Variants in INPP4B observed in about 807,000 individuals in gnomAD.
INPP4B encodes the protein inositol polyphosphate 4-phosphatase type II.
A neutral mutation model predicts 122.5 loss-of-function variants in INPP4B; 55 were observed. The observed-to-expected ratio is 0.45, with a 90% CI of 0.36 to 0.56. The LOEUF is 0.56. INPP4B is among the 20% of genes least tolerant of loss of function. The pLI is 0.00. For synonymous variants in INPP4B, 403 were observed against 388.7 expected (o/e 1.04, Z -0.43); for missense variants, 1,000 against 1,097.7 (o/e 0.91, Z 1.26).
chr4:142,077,046 C>T (rs1211621261), intron 25 of INPP4B, among the ~76,000 whole-genome samples: 1 of 151,932 alleles, frequency 6.6e-6, no homozygotes, highest in Non-Finnish European at 1.5e-5. Context: ...ACTTATAAAG[C>T]AGAATACTTC....
chr4:142,546,286 C>G (rs961069978), intron 2 of INPP4B, among the ~76,000 whole-genome samples: 2 of 152,128 alleles, frequency 1.3e-5, no homozygotes, highest in African/African-American at 4.8e-5. Context: ...TTTATGGCTG[C>G]ATAGTATTCC....
intron 1 of INPP4B, among the ~76,000 whole-genome samples, chr4:142,830,662 G>C (rs1782005395): frequency 6.6e-6 from 1 of 152,002 alleles, no homozygotes; most frequent in African/African-American, 2.4e-5. Flanking sequence ...GAGGAAACAG[G>C]ATTGAATGCA....
intron 25 of INPP4B, chr4:142,030,043 A>C: frequency 4.3e-6 from 6 of 1,384,886 alleles, no homozygotes; most frequent in Non-Finnish European, 5.6e-6. Context: ...TGTGAATTTG[A>C]AAATGTAAAA....
intron 2 of INPP4B, among the ~76,000 whole-genome samples, chr4:142,546,132 A>G (rs966419801): frequency 2.6e-5 from 4 of 151,614 alleles, no homozygotes; most frequent in Non-Finnish European, 4.4e-5. Context: ...GTTCCTCTCT[A>G]TGTGTCTGTG....
chr4:142,783,544 T>C (rs1436957350), intron 1 of INPP4B, among the ~76,000 whole-genome samples: 7 of 152,164 alleles, frequency 4.6e-5, no homozygotes, highest in African/African-American at 1.7e-4. Context: ...CCTGGCTTCC[T>C]TTCCCCTCTT....
chr4:142,068,859 T>G (rs2152471389), intron 25 of INPP4B, among the ~76,000 whole-genome samples: 1 of 152,312 alleles, frequency 6.6e-6, no homozygotes. Context: ...ACAAAGAGAC[T>G]TAGACTCTCA....
chr4:142,356,175 A>C (rs1166523348), intron 7 of INPP4B, among the ~76,000 whole-genome samples: 1 of 150,710 alleles, frequency 6.6e-6, no homozygotes, highest in Middle Eastern at 3.4e-3. Flanking sequence ...TTAATCTAGA[A>C]AATGTACAAA....
chr4:142,751,523 G>T (rs1769715741), intron 1 of INPP4B, among the ~76,000 whole-genome samples: 1 of 151,966 alleles, frequency 6.6e-6, no homozygotes, highest in South Asian at 2.1e-4. Flanking sequence ...TATGTAATAT[G>T]CATCCCTGAA....
chr4:142,688,250 A>G (rs767088561), intron 2 of INPP4B, among the ~76,000 whole-genome samples: 1 of 152,122 alleles, frequency 6.6e-6, no homozygotes, highest in Non-Finnish European at 1.5e-5. Flanking sequence ...TTGTCTTTCT[A>G]TTTTCACACA....
At chr4:142,385,972 A>G (rs1795839441) in intron 7 of INPP4B, among the ~76,000 whole-genome samples, 1 of 152,122 alleles carries the variant, frequency 6.6e-6, no homozygotes, top group African/African-American at 2.4e-5. Flanking sequence ...ATTACTAATT[A>G]TAGTCACCAT....
chr4:142,509,582 A>G (rs1824456925), intron 2 of INPP4B, among the ~76,000 whole-genome samples: 1 of 152,092 alleles, frequency 6.6e-6, no homozygotes, highest in African/African-American at 2.4e-5. Context: ...GCTGCATAGT[A>G]CTCCATGGTG....
chr4:142,330,930 GAAGC>G (rs1381773053), intron 7 of INPP4B, among the ~76,000 whole-genome samples: 1 of 152,182 alleles, frequency 6.6e-6, no homozygotes, highest in Non-Finnish European at 1.5e-5. Flanking sequence ...AGGAACAAGA[GAAGC>G]AAGCAGTATT....
intron 2 of INPP4B, among the ~76,000 whole-genome samples, chr4:142,557,921 G>A (rs73850508): frequency 3.4e-4 from 51 of 152,232 alleles, no homozygotes; most frequent in African/African-American, 1.2e-3. Context: ...AGGGCCATAA[G>A]GCTGCCACAA....
intron 7 of INPP4B, among the ~76,000 whole-genome samples, 176 bp from the exon 8 acceptor site, chr4:142,314,938 A>G (rs1350983011): frequency 6.6e-6 from 1 of 152,198 alleles, no homozygotes; most frequent in Admixed American, 6.5e-5. Flanking sequence ...GTGCTGTTAC[A>G]GTTCCTGAAC....
chr4:142,249,241 G>T (rs1254047834), intron 11 of INPP4B, among the ~76,000 whole-genome samples: 1 of 151,918 alleles, frequency 6.6e-6, no homozygotes, highest in Non-Finnish European at 1.5e-5. Flanking sequence ...TGCTGAGTGG[G>T]GGAAACTCAC....
At chr4:142,557,156 T>C (rs1239536774) in intron 2 of INPP4B, among the ~76,000 whole-genome samples, 1 of 152,068 alleles carries the variant, frequency 6.6e-6, no homozygotes, top group Non-Finnish European at 1.5e-5. Flanking sequence ...CTGATGACAA[T>C]GCTGGAGAAG....
At chr4:142,659,734 C>T (rs1223751581) in intron 2 of INPP4B, among the ~76,000 whole-genome samples, 9 of 152,084 alleles carry the variant, frequency 5.9e-5, no homozygotes, top group African/African-American at 1.7e-4. Context: ...AGCCAAGCAC[C>T]ATGCACCCAA....
chr4:142,741,070 A>C (rs1767828688), intron 1 of INPP4B, among the ~76,000 whole-genome samples: 1 of 152,078 alleles, frequency 6.6e-6, no homozygotes, highest in African/African-American at 2.4e-5. Context: ...GACTTTGTAC[A>C]GTCAGATAAC....
intron 23 of INPP4B, among the ~76,000 whole-genome samples, chr4:142,087,660 T>C (rs1425982493): frequency 6.6e-6 from 1 of 152,224 alleles, no homozygotes; most frequent in African/African-American, 2.4e-5. Context: ...ATGTCTTCCT[T>C]ACAAGTTCAC....
Sources: allele counts gnomAD v4.1 joint callset (sites outside exome capture counted in the v4.1 genomes callset), GRCh38; gene constraint gnomAD v4.1.1; transcripts MANE v1.5; gene names NCBI Gene and HGNC (gene_info 2026-07-23, HGNC 2026-07-21).